The following PCDH7 variants were observed in gnomAD, a reference collection of about 807,000 sequenced individuals.
PCDH7 encodes protocadherin-7.
PCDH7 carries 17 observed loss-of-function variants against 58.9 expected under a neutral mutation model. The observed-to-expected ratio is 0.29, with a 90% CI of 0.20 to 0.43. The LOEUF is 0.43. Among genes scored for constraint, PCDH7 ranks in the 20% least tolerant of loss-of-function variants. The pLI, the probability that PCDH7 is intolerant of heterozygous loss-of-function variation, is 1.00. For synonymous variants in PCDH7, 664 were observed against 616.4 expected (o/e 1.08, Z -1.14); for missense variants, 1,274 against 1,441.0 (o/e 0.88, Z 1.88).
intron 3 of PCDH7, among the ~76,000 whole-genome samples, chr4:31,073,636 T>G (rs914386767): frequency 6.6e-6 from 1 of 152,178 alleles, no homozygotes; most frequent in African/African-American, 2.4e-5. Flanking sequence ...TCATATATAA[T>G]AGTAGTTCCT....
chr4:31,012,457 G>A (rs1471393075), intron 3 of PCDH7, among the ~76,000 whole-genome samples: 2 of 150,218 alleles, frequency 1.3e-5, no homozygotes, highest in African/African-American at 4.8e-5. Flanking sequence ...TAAACTTAAG[G>A]TTTGATGCTT....
chr4:30,724,885 AT>A (rs1271146759), intron 1 of PCDH7: 4 of 1,190,262 alleles, frequency 3.4e-6, no homozygotes, highest in East Asian at 4.0e-5. Context: ...TTCATACTAC[AT>A]TTTTTTGTTT....
At chr4:30,995,415 C>A (rs1299633370) in intron 3 of PCDH7, among the ~76,000 whole-genome samples, 1 of 151,610 alleles carries the variant, frequency 6.6e-6, no homozygotes. Flanking sequence ...GGGAGGCTCA[C>A]GCAGGAGACT....
At chr4:30,959,120 CGCTTTAATATATGTTT>C (rs568823157) in intron 3 of PCDH7, among the ~76,000 whole-genome samples, 2,004 of 151,888 alleles carry the variant, frequency 0.013, 47 homozygotes, top group African/African-American at 0.046. Context: ...GTTCCAGGGA[CGCTTTAATATATGTTT>C]GCTTTTACCT....
At chr4:31,056,111 G>A (rs919985750) in intron 3 of PCDH7, among the ~76,000 whole-genome samples, 1 of 152,066 alleles carries the variant, frequency 6.6e-6, no homozygotes, top group African/African-American at 2.4e-5. Flanking sequence ...GCTCATGCAT[G>A]TAATCTCAAT....
intron 2 of PCDH7, among the ~76,000 whole-genome samples, chr4:30,941,871 A>G (rs1465818564): frequency 6.6e-6 from 1 of 151,954 alleles, no homozygotes; most frequent in Non-Finnish European, 1.5e-5. Flanking sequence ...TGCTCTCAGT[A>G]TTTACAAGGT....
At chr4:31,075,047 C>T (rs1003971991) in intron 3 of PCDH7, among the ~76,000 whole-genome samples, 4 of 152,178 alleles carry the variant, frequency 2.6e-5, no homozygotes, top group African/African-American at 7.2e-5. Context: ...AGAAATTACA[C>T]GATTGTCTGG....
chr4:30,738,798 A>G (rs1213086429), intron 1 of PCDH7, among the ~76,000 whole-genome samples: 5 of 152,066 alleles, frequency 3.3e-5, no homozygotes, highest in African/African-American at 4.8e-5. Flanking sequence ...TGAAACAGAA[A>G]TGTAGTCTTA....
rs77183272 is a variant in PCDH7 at position 30,907,073 on chromosome 4, A to T, written c.71-13080A>T. 4.6e-5 allele frequency among the ~76,000 whole-genome samples: 7 copies of T among 152,258 alleles called. No homozygotes were observed. The East Asian group carries it at 1.4e-3, about 29-fold the overall frequency. ...TATGGTCCCAGCAATAATTTTTAAAATGTGCATTGTTGAGGATCCAGATGC... is the reference window on the plus strand; with the variant it reads ...TATGGTCCCAGCAATAATTTTTAAATTGTGCATTGTTGAGGATCCAGATGC... On this transcript the variant is annotated intron_variant, in intron 1 of 3. Transcript: ENST00000509759.
intron 1 of PCDH7, among the ~76,000 whole-genome samples, chr4:30,748,125 G>A (rs1007115621): frequency 6.6e-6 from 1 of 152,152 alleles, no homozygotes; most frequent in African/African-American, 2.4e-5. Context: ...CACTTTAATA[G>A]GAGCACAAGA....
intron 3 of PCDH7, among the ~76,000 whole-genome samples, chr4:30,975,269 A>G (rs1749972939): frequency 6.6e-6 from 1 of 151,884 alleles, no homozygotes; most frequent in South Asian, 2.1e-4. Context: ...GCAACCACCT[A>G]TAGTTTGTTT....
At chr4:30,816,662 CA>C (rs1355859352) in intron 1 of PCDH7, among the ~76,000 whole-genome samples, 1 of 151,928 alleles carries the variant, frequency 6.6e-6, no homozygotes. Flanking sequence ...ATAGAAGTCA[CA>C]ACACTTTTTA....
chr4:30,875,440 TC>T (rs1331671416), intron 1 of PCDH7, among the ~76,000 whole-genome samples: 1 of 152,094 alleles, frequency 6.6e-6, no homozygotes, highest in Non-Finnish European at 1.5e-5. Flanking sequence ...CACAATTCAA[TC>T]CATAACAGAG....
At chr4:31,045,928 C>T (rs1347634710) in intron 3 of PCDH7, among the ~76,000 whole-genome samples, 1 of 152,024 alleles carries the variant, frequency 6.6e-6, no homozygotes, top group East Asian at 1.9e-4. Flanking sequence ...CCAGAGGGCA[C>T]TGTCACCTGT....
intron 1 of PCDH7, among the ~76,000 whole-genome samples, chr4:30,823,580 AC>A: frequency 6.6e-6 from 1 of 152,056 alleles, no homozygotes. Context: ...ATATGATGCT[AC>A]CTCGGCGTAC....
intron 1 of PCDH7, among the ~76,000 whole-genome samples, chr4:30,818,216 C>T (rs926708309): frequency 1.3e-5 from 2 of 152,168 alleles, no homozygotes; most frequent in Admixed American, 1.3e-4. Flanking sequence ...GATTCTTCTT[C>T]CCTTCCCCTT....
intron 3 of PCDH7, among the ~76,000 whole-genome samples, chr4:31,024,404 T>C (rs1347488848): frequency 1.3e-5 from 2 of 152,160 alleles, no homozygotes; most frequent in African/African-American, 4.8e-5. Context: ...GTGCCAGAAA[T>C]ATATTAGGCT....
At chr4:31,080,903 G>T (rs1217405273) in intron 3 of PCDH7, among the ~76,000 whole-genome samples, 2 of 152,180 alleles carry the variant, frequency 1.3e-5, no homozygotes, top group Non-Finnish European at 2.9e-5. Flanking sequence ...TAAGTCCCAT[G>T]AGATGTGATG....
At chr4:30,938,319 A>G (rs572938401) in intron 2 of PCDH7, among the ~76,000 whole-genome samples, 17 of 152,276 alleles carry the variant, frequency 1.1e-4, no homozygotes, top group Non-Finnish European at 2.2e-4. Context: ...TGAACTATCT[A>G]CTTGTACGTG....
Sources: gnomAD v4.1 joint callset for allele counts (sites outside exome capture counted in the v4.1 genomes callset) on GRCh38, gnomAD v4.1.1 for gene constraint, MANE v1.5 for transcripts, NCBI Gene and HGNC (gene_info 2026-07-23, HGNC 2026-07-21) for gene names.